Variants in SPINK5 observed in about 807,000 individuals in gnomAD.
SPINK5 encodes serine peptidase inhibitor Kazal type 5.
SPINK5 carries 125 observed loss-of-function variants against 151.8 expected under a neutral mutation model. That is an observed-to-expected ratio of 0.82 (90% CI 0.71 to 0.96). SPINK5 has a LOEUF of 0.96. Among genes scored for constraint, SPINK5 ranks in the 40% least tolerant of loss-of-function variants. The pLI, the probability that SPINK5 is intolerant of heterozygous loss-of-function variation, is 0.00. For missense variants in SPINK5, 1,194 were observed against 1,291.9 expected, an observed-to-expected ratio of 0.92 and a Z score of 1.16; for synonymous variants, 374 against 395.3, an observed-to-expected ratio of 0.95 and a Z score of 0.64.
intron 8 of SPINK5, among the ~76,000 whole-genome samples, chr5:148,093,762 A>G (rs1753378030): frequency 1.3e-5 from 2 of 151,692 alleles, no homozygotes; most frequent in Non-Finnish European, 2.9e-5. Context: ...AAAAAGAAAT[A>G]CCTAGTTTTA....
Position 148,100,524 on chromosome 5 carries a change from T to C in SPINK5, c.1163T>C (p.Ile388Thr), listed in dbSNP as rs1040481020. The change falls in exon 13 of 33, where the codon ATC (isoleucine) becomes ACC (threonine). Residue 388 changes from isoleucine (I) to threonine (T), a missense_variant. Ile to Thr is a moderately conservative substitution (Grantham distance 89, BLOSUM62 -1). Coordinates refer to ENST00000256084, the MANE Select transcript of SPINK5 (RefSeq NM_006846.4). ...GCTTGCACCAGAGAGAACGATCCTA[T>C]CCAGGGCCCAGATGGGAAAGTGCAT... ...KLACTRENDP[I>T]QGPDGKVHGN... 3.7e-6 allele frequency: 6 copies of C among 1,613,292 alleles called. No homozygotes were observed. Among genetic ancestry groups the C allele is most frequent in the Non-Finnish European group, 5.1e-6 (6 of 1,179,464 alleles).
At chr5:148,069,504 C>G (rs986494) in intron 2 of SPINK5, among the ~76,000 whole-genome samples, 109,885 of 151,198 alleles carry the variant, frequency 0.73, 40,048 homozygotes, top group East Asian at 0.91. Context: ...AGAGAGAAAG[C>G]CTTATGCAAT....
chr5:148,119,886 T>C, intron 24 of SPINK5, 123 bp from the exon 25 acceptor site: 1 of 1,022,124 alleles, frequency 9.8e-7, no homozygotes, highest in Non-Finnish European at 1.5e-6. Flanking sequence ...TGGGACATTA[T>C]TTTGCCTATC....
In SPINK5 at chr5:148,111,825, G is replaced by C. The variant is rs1320994331; in HGVS notation, c.1750G>C (p.Glu584Gln). The change falls in exon 19 of 33, where the codon GAG becomes CAG. Residue 584 changes from glutamate to glutamine, a missense_variant. Physicochemically the swap from Glu to Gln is conservative, Grantham distance 29. Transcript: ENST00000256084. ...GAATGGACGACTCCCCTGTACCAGA[G>C]AGAATGATCCTATTGAGGGTCTAGA... The part of the protein sequence containing the change: ...VRNGRLPCTR[E>Q]NDPIEGLDGK... 6.2e-7 allele frequency: 1 copy of C among 1,614,068 alleles called. No homozygotes were observed. The highest frequency in any genetic ancestry group is 8.5e-7 in the Non-Finnish European group (1 of 1,179,962).
chr5:148,085,780 TAAC>T (rs756711711), intron 4 of SPINK5, among the ~76,000 whole-genome samples: 1 of 151,772 alleles, frequency 6.6e-6, no homozygotes, highest in African/African-American at 2.4e-5. Flanking sequence ...ACATTGAAAA[TAAC>T]AACAACAACA....
At chr5:148,124,117 A>G (rs1263864217) in intron 27 of SPINK5, among the ~76,000 whole-genome samples, 157 bp downstream of exon 27, 1 of 152,168 alleles carries the variant, frequency 6.6e-6, no homozygotes, top group African/African-American at 2.4e-5. Context: ...CTTTCACAAT[A>G]ATTTTTTTAT....
Position 148,107,456 on chromosome 5 carries a change from T to C in SPINK5, c.1607+292T>C. Among the ~76,000 whole-genome samples, 2 of 152,138 alleles carry C rather than the reference T, an allele frequency of 1.3e-5. 1 individual carries two copies. Among genetic ancestry groups the C allele is most frequent in the Admixed American group, 1.3e-4 (2 of 15,262 alleles). The stretch of plus-strand genomic sequence containing the variant: ...AAAGAGAGAGCAGAAATTTCATGAT[T>C]TGGATTGGATGATCTTTTTGATGTC... On this transcript the variant is annotated intron_variant, in intron 17 of 32. Coordinates refer to ENST00000256084, the MANE Select transcript of SPINK5 (RefSeq NM_006846.4).
intron 6 of SPINK5, chr5:148,088,876 T>C (rs1312244047): frequency 2.1e-6 from 1 of 475,766 alleles, no homozygotes; most frequent in Admixed American, 3.3e-5. Context: ...GGAAACTACA[T>C]GTGTAGTAGA....
Position 148,125,737 on chromosome 5 carries a change from A to G in SPINK5, c.2754A>G (p.Glu918=), listed in dbSNP as rs114635730. The G allele has an allele frequency of 2.0e-3, 3,252 of 1,614,068 alleles. 61 individuals carry two copies. The African/African-American group carries it at 0.037, about 18-fold the overall frequency. ...PSNNAKDECS[E]FRNYIRNNEL... ...TCATTTTCTAGGATGAGTGCAGTGA[A>G]TTTCGAAACTATATAAGGAACAATG... is the stretch of plus-strand genomic sequence containing the variant. Residue 918 remains glutamate, a synonymous_variant, in exon 29 of 33, where the codon GAA becomes GAG. Transcript: ENST00000256084.
At chr5:148,131,485 GT>G in intron 31 of SPINK5, 96 bp downstream of exon 31, 1 of 1,537,588 alleles carries the variant, frequency 6.5e-7, no homozygotes, top group Non-Finnish European at 8.9e-7. Flanking sequence ...TTCGAAATGT[GT>G]TGCAAGTAAT....
chr5:148,124,675 ATG>A lies in SPINK5; in HGVS notation c.2667-88_2667-87del, dbSNP rs1164411781. 1.0e-5 allele frequency: 10 copies of A among 974,872 alleles called. No individual in the cohort carries two copies. In the South Asian group the frequency reaches 1.9e-4, roughly 18 times the overall value. 60.4% of individuals were successfully genotyped at this position (974,872 alleles called of 1,614,324 possible). Reference sequence around the variant, plus strand: ...TAAGAAAACAGTGTTAGATTTGCTAATGTTTAGAATCGCAGAAATACTTGGTT... The same window carrying A: ...TAAGAAAACAGTGTTAGATTTGCTAATTTAGAATCGCAGAAATACTTGGTT... On this transcript the variant is annotated intron_variant, in intron 27 of 32. Coordinates refer to ENST00000256084, the MANE Select transcript of SPINK5 (RefSeq NM_006846.4).
intron 8 of SPINK5, among the ~76,000 whole-genome samples, chr5:148,091,769 T>TA (rs10680228): frequency 0.68 from 98,687 of 146,016 alleles, 33,329 homozygotes; most frequent in East Asian, 0.91. Flanking sequence ...GATTCTGCTT[T>TA]AAAAAAAAAA....
chr5:148,136,869 G>A, intron 32 of SPINK5, 114 bp from the exon 33 acceptor site: 2 of 1,354,778 alleles, frequency 1.5e-6, no homozygotes, highest in Non-Finnish European at 1.1e-6. Context: ...CTACTTCTTT[G>A]CAGAATGCAG....
rs567504444 is a variant in SPINK5, at chr5:148,130,864, G to A, written c.2965-395G>A. 4.6e-5 allele frequency among the ~76,000 whole-genome samples: 7 copies of A among 152,178 alleles called. No individual in the cohort carries two copies. The South Asian group carries it at 1.4e-3, about 32-fold the overall frequency. On this transcript the variant is annotated intron_variant, in intron 30 of 32. Coordinates refer to ENST00000256084, the MANE Select transcript of SPINK5 (RefSeq NM_006846.4). ...GGACTCAAAAACTCATGCAATTTATGAGTATTTACCTCTGAGTCTTTCCTT... is the reference window on the plus strand; with the variant it reads ...GGACTCAAAAACTCATGCAATTTATAAGTATTTACCTCTGAGTCTTTCCTT...
intron 30 of SPINK5, among the ~76,000 whole-genome samples, chr5:148,129,234 T>A (rs982518031): frequency 3.3e-5 from 5 of 152,202 alleles, no homozygotes; most frequent in African/African-American, 1.2e-4. Context: ...TGTAGACAAT[T>A]TTAAAGACTT....
At chr5:148,128,525 T>C (rs1350107391) in intron 30 of SPINK5, among the ~76,000 whole-genome samples, 3 of 151,988 alleles carry the variant, frequency 2.0e-5, no homozygotes, top group South Asian at 2.1e-4. Flanking sequence ...TATTTACTTA[T>C]TTATTTATTT....
At chr5:148,124,973 T>C in intron 28 of SPINK5, 136 bp downstream of exon 28, 7 of 1,268,072 alleles carry the variant, frequency 5.5e-6, no homozygotes, top group Non-Finnish European at 7.1e-6. Flanking sequence ...GTCTTGTCAC[T>C]TTGTATCATA....
rs755868382 is a variant in SPINK5 at position 148,114,496 on chromosome 5, G to A, written c.2015+7G>A. The A allele has an allele frequency of 2.5e-6, 4 of 1,612,786 alleles. No homozygotes were observed. The highest frequency in any genetic ancestry group is 1.3e-5 in the African/African-American group (1 of 74,866). On this transcript the variant is annotated splice_region_variant and intron_variant, in intron 21 of 32. Coordinates refer to ENST00000256084, the MANE Select transcript of SPINK5 (RefSeq NM_006846.4). ...CCATGTGTAAGGCAGTCTTGTGAGT[G>A]CACAAAGAAAACCACTACTGTGGGA... is the stretch of plus-strand genomic sequence containing the variant.
chr5:148,124,935 T>C, intron 28 of SPINK5, 98 bp downstream of exon 28: 1 of 1,316,318 alleles, frequency 7.6e-7, no homozygotes, highest in Non-Finnish European at 9.8e-7. Context: ...TATTAATATC[T>C]TAACTTCAAA....
Sources: allele counts gnomAD v4.1 joint callset (sites outside exome capture counted in the v4.1 genomes callset), GRCh38; gene constraint gnomAD v4.1.1; transcripts MANE v1.5; gene names NCBI Gene and HGNC (gene_info 2026-07-23, HGNC 2026-07-21).